The following YEATS4 variants were observed in gnomAD, a reference collection of about 807,000 sequenced individuals.
YEATS4 encodes YEATS domain-containing protein 4.
YEATS4 carries 17 observed loss-of-function variants against 30.1 expected under a neutral mutation model. The ratio of observed to expected loss-of-function variants is 0.56; its 90% CI spans 0.39 to 0.85. YEATS4 has a LOEUF of 0.85. Among genes scored for constraint, YEATS4 ranks in the 40% least tolerant of loss-of-function variants. YEATS4 has a pLI of 0.00. For missense variants in YEATS4, 142 were observed against 268.3 expected (o/e 0.53, Z 3.29); for synonymous variants, 85 against 87.5 (o/e 0.97, Z 0.16).
the YEATS4 span, among the ~76,000 whole-genome samples, chr12:69,398,339 G>T: frequency 6.6e-6 from 1 of 151,828 alleles, no homozygotes; most frequent in Non-Finnish European, 1.5e-5. Flanking sequence ...ACTATTAGAG[G>T]TAATAAATGG....
chr12:69,414,900 G>A, the YEATS4 span, among the ~76,000 whole-genome samples: 1,944 of 152,294 alleles, frequency 0.013, 47 homozygotes, highest in African/African-American at 0.044. Flanking sequence ...CAGCGGAAAT[G>A]TTGCCATCAG....
chr12:69,374,317 A>G (rs972891455), intron 6 of YEATS4, among the ~76,000 whole-genome samples: 1 of 151,724 alleles, frequency 6.6e-6, no homozygotes, highest in African/African-American at 2.4e-5. Flanking sequence ...TTACTGTTTT[A>G]TATTTCTCAT....
At chr12:69,408,394 GGTTGA>G in the YEATS4 span, among the ~76,000 whole-genome samples, 7 of 152,216 alleles carry the variant, frequency 4.6e-5, no homozygotes, top group Non-Finnish European at 1.0e-4. Flanking sequence ...GCTTGCTGTA[GGTTGA>G]GTATAGCTTG....
At chr12:69,404,673 C>T in the YEATS4 span, among the ~76,000 whole-genome samples, 1 of 152,188 alleles carries the variant, frequency 6.6e-6, no homozygotes, top group Non-Finnish European at 1.5e-5. Flanking sequence ...GTAAATTACC[C>T]AGTCTGTTAC....
chr12:69,397,830 A>C, the YEATS4 span, among the ~76,000 whole-genome samples: 85 of 152,232 alleles, frequency 5.6e-4, no homozygotes, highest in Non-Finnish European at 1.6e-4. Flanking sequence ...AGGAGAAACT[A>C]ATCCTGCCCA....
chr12:69,412,619 C>T, the YEATS4 span, among the ~76,000 whole-genome samples: 1 of 152,182 alleles, frequency 6.6e-6, no homozygotes, highest in Admixed American at 6.5e-5. Context: ...CGCCACTGCA[C>T]TCCAGCCTGG....
At chr12:69,379,579 G>C (rs529961350) in intron 6 of YEATS4, among the ~76,000 whole-genome samples, 1 of 117,748 alleles carries the variant, frequency 8.5e-6, no homozygotes, top group African/African-American at 2.9e-5. Flanking sequence ...ACTATGCCCA[G>C]CTAATTTTTT....
At chr12:69,391,084 AG>A (rs1868312048), downstream of YEATS4, among the ~76,000 whole-genome samples, 1 of 152,232 alleles carries the variant, frequency 6.6e-6, no homozygotes, top group African/African-American at 2.4e-5. Flanking sequence ...ACCTGAAGTC[AG>A]GAGTTCAAGA....
the YEATS4 span, among the ~76,000 whole-genome samples, chr12:69,406,915 A>G: frequency 6.6e-6 from 1 of 152,036 alleles, no homozygotes; most frequent in Admixed American, 6.6e-5. Flanking sequence ...CCCAGGCTCA[A>G]GTGATCCTCC....
the YEATS4 span, among the ~76,000 whole-genome samples, chr12:69,408,469 G>T: frequency 4.3e-4 from 65 of 152,310 alleles, no homozygotes; most frequent in African/African-American, 1.4e-3. Context: ...GGAAATAAAG[G>T]ATGTGCGCAT....
intron 4 of YEATS4, among the ~76,000 whole-genome samples, chr12:69,367,729 C>T (rs1007027639): frequency 6.6e-6 from 1 of 152,018 alleles, no homozygotes; most frequent in Non-Finnish European, 1.5e-5. Flanking sequence ...GAGAAGGATA[C>T]AAAAATGAGA....
the YEATS4 span, among the ~76,000 whole-genome samples, chr12:69,421,976 T>C: frequency 6.6e-6 from 1 of 152,292 alleles, no homozygotes; most frequent in East Asian, 1.9e-4. Context: ...AGGGCTTGCT[T>C]TGAGGCATTG....
At chr12:69,386,257 C>T (rs910382777) in intron 6 of YEATS4, among the ~76,000 whole-genome samples, 1 of 152,174 alleles carries the variant, frequency 6.6e-6, no homozygotes, top group Non-Finnish European at 1.5e-5. Flanking sequence ...ATAAAAGTAT[C>T]ATGAATCAAA....
the YEATS4 span, among the ~76,000 whole-genome samples, chr12:69,416,430 A>G: frequency 6.6e-6 from 1 of 152,248 alleles, no homozygotes; most frequent in South Asian, 2.1e-4. Flanking sequence ...AATCGGCCCC[A>G]AGGAAAATTC....
chr12:69,424,228 T>C, the YEATS4 span, among the ~76,000 whole-genome samples: 1 of 152,198 alleles, frequency 6.6e-6, no homozygotes. Flanking sequence ...TTAGTTGGCT[T>C]TTTTGTTAAT....
the YEATS4 span, among the ~76,000 whole-genome samples, chr12:69,397,366 G>A: frequency 6.6e-5 from 10 of 152,130 alleles, no homozygotes; most frequent in Admixed American, 5.9e-4. Flanking sequence ...TAGTTTGGCT[G>A]TGTCCCCACC....
At chr12:69,375,650 C>T (rs185322577) in intron 6 of YEATS4, among the ~76,000 whole-genome samples, 9 of 152,318 alleles carry the variant, frequency 5.9e-5, no homozygotes, top group African/African-American at 1.7e-4. Context: ...TCTGCAATCC[C>T]GGCACCTCGG....
the YEATS4 span, among the ~76,000 whole-genome samples, chr12:69,406,045 A>G: frequency 3.3e-5 from 5 of 152,240 alleles, no homozygotes; most frequent in East Asian, 3.8e-4. Context: ...ATCATTGGCT[A>G]TTGATAAACA....
rs1009700159 is a variant in YEATS4, at chr12:69,364,893, T to G, written c.172-740T>G. On this transcript the variant is annotated intron_variant, in intron 2 of 6. Transcript: ENST00000247843. ...CCTTGGCCTCCCAAAGTGCTGGGAT[T>G]ACAGGCGTGAGCCACCGTGCCCGGC... 3.3e-5 allele frequency among the ~76,000 whole-genome samples: 5 copies of G among 152,140 alleles called. No individual in the cohort carries two copies. The East Asian group carries it at 5.8e-4, about 18-fold the overall frequency.
Sources: gnomAD v4.1 joint callset for allele counts (sites outside exome capture counted in the v4.1 genomes callset) on GRCh38, gnomAD v4.1.1 for gene constraint, MANE v1.5 for transcripts, NCBI Gene and HGNC (gene_info 2026-07-23, HGNC 2026-07-21) for gene names.